Variants in MACROD2 observed in about 807,000 individuals in gnomAD.
MACROD2 encodes the protein ADP-ribose glycohydrolase MACROD2.
Under a neutral mutation model 70.4 loss-of-function variants are expected in MACROD2, and 36 were observed. That is an observed-to-expected ratio of 0.51 (90% confidence interval 0.39 to 0.68). The LOEUF (loss-of-function observed/expected upper bound fraction) is 0.68. Ranked by LOEUF, MACROD2 falls within the 30% of genes least tolerant of loss-of-function variation. The probability of loss-of-function intolerance (pLI) is 0.00; values close to 1 mark genes in which losing one functional copy is unlikely to be tolerated. For missense variants in MACROD2, 496 were observed against 538.4 expected, an observed-to-expected ratio of 0.92 and a Z score of 0.78; for synonymous variants, 172 against 178.8, an observed-to-expected ratio of 0.96 and a Z score of 0.30.
At chr20:14,080,209 C>T (rs917883736) in intron 2 of MACROD2, among the ~76,000 whole-genome samples, 4 of 151,886 alleles carry the variant, frequency 2.6e-5, no homozygotes, top group South Asian at 2.1e-4. Context: ...TTTGGGAGGC[C>T]GAGGTGGGTG....
chr20:15,218,912 G>T (rs944447993), intron 5 of MACROD2, among the ~76,000 whole-genome samples: 3 of 152,094 alleles, frequency 2.0e-5, no homozygotes, highest in Non-Finnish European at 2.9e-5. Flanking sequence ...CAGGCGTGGC[G>T]GCGTGTGCCT....
chr20:14,565,561 A>G (rs1309640034), intron 4 of MACROD2, among the ~76,000 whole-genome samples: 1 of 151,634 alleles, frequency 6.6e-6, no homozygotes, highest in African/African-American at 2.4e-5. Flanking sequence ...ATTCCTCTAG[A>G]TTGTTGCATG....
At chr20:14,661,801 CT>C (rs11476251) in intron 4 of MACROD2, among the ~76,000 whole-genome samples, 76,350 of 151,768 alleles carry the variant, frequency 0.5, 20,292 homozygotes, top group African/African-American at 0.68. Flanking sequence ...CATCTCAATT[CT>C]TTTCAAAAAA....
At chr20:14,584,627 A>G (rs555504617) in intron 4 of MACROD2, among the ~76,000 whole-genome samples, 1 of 152,228 alleles carries the variant, frequency 6.6e-6, no homozygotes, top group Non-Finnish European at 1.5e-5. Context: ...TCCAAATACC[A>G]TCACATATAG....
chr20:14,401,557 G>C (rs1479274937), intron 3 of MACROD2, among the ~76,000 whole-genome samples: 1 of 152,006 alleles, frequency 6.6e-6, no homozygotes, highest in African/African-American at 2.4e-5. Context: ...ATTTCTTCTT[G>C]GGTGTTAATT....
chr20:14,981,488 A>G (rs112602075), intron 5 of MACROD2, among the ~76,000 whole-genome samples: 1,790 of 150,696 alleles, frequency 0.012, 35 homozygotes, highest in African/African-American at 0.041. Context: ...CGGTGTGTGC[A>G]TGTTATATGA....
chr20:14,094,838 C>G (rs2054200317), intron 3 of MACROD2, among the ~76,000 whole-genome samples: 1 of 152,156 alleles, frequency 6.6e-6, no homozygotes, highest in Admixed American at 6.6e-5. Context: ...TTCAATATCC[C>G]TGCCTTGCCA....
chr20:14,676,088 C>A (rs2070857498), intron 4 of MACROD2, among the ~76,000 whole-genome samples: 1 of 152,110 alleles, frequency 6.6e-6, no homozygotes, highest in African/African-American at 2.4e-5. Context: ...GACTCCCACA[C>A]AACAATAGTG....
At position 14,186,933 on chromosome 20, in the gene MACROD2, A is replaced by G. The variant is rs1601326307; in HGVS notation, c.271+101205A>G. 2.6e-5 allele frequency among the ~76,000 whole-genome samples: 4 copies of G among 152,184 alleles called. No individual in the cohort carries two copies. In the East Asian group the frequency reaches 7.7e-4, roughly 29 times the overall value. ...ACATAAAGATAGGAGCAGTAGACACAGGGCACTGGGGACTATTTGAGGGCG... is the reference window on the plus strand; with the variant it reads ...ACATAAAGATAGGAGCAGTAGACACGGGGCACTGGGGACTATTTGAGGGCG... On this transcript the variant is annotated intron_variant, in intron 3 of 17. Coordinates refer to ENST00000684519, the MANE Select transcript of MACROD2 (RefSeq NM_001351661.2).
intron 8 of MACROD2, among the ~76,000 whole-genome samples, chr20:15,649,087 C>T (rs1277830097): frequency 1.4e-5 from 1 of 72,302 alleles, no homozygotes; most frequent in Non-Finnish European, 2.8e-5. Context: ...CCTTCCCTCC[C>T]CTTCCCTCCC....
chr20:14,050,271 T>C (rs1188968574), intron 2 of MACROD2, among the ~76,000 whole-genome samples: 3 of 152,030 alleles, frequency 2.0e-5, no homozygotes, highest in Non-Finnish European at 2.9e-5. Context: ...GCCTGAGAAC[T>C]CTATCAAGAA....
intron 2 of MACROD2, among the ~76,000 whole-genome samples, chr20:14,071,264 T>TTTTG (rs1569145260): frequency 1.6e-5 from 2 of 128,774 alleles, no homozygotes; most frequent in Admixed American, 7.8e-5. Context: ...TTTTTTTTTT[T>TTTTG]TTTTTTTTTT....
intron 7 of MACROD2, among the ~76,000 whole-genome samples, chr20:15,491,660 A>C (rs992892403): frequency 2.6e-5 from 4 of 152,234 alleles, no homozygotes; most frequent in African/African-American, 7.2e-5. Context: ...AGTTAACCCA[A>C]CAACTCTCAG....
At chr20:14,371,489 C>T (rs901558650) in intron 3 of MACROD2, among the ~76,000 whole-genome samples, 1 of 151,832 alleles carries the variant, frequency 6.6e-6, no homozygotes, top group Admixed American at 6.6e-5. Context: ...GACTCCATCT[C>T]TAACAACAAA....
At chr20:15,528,366 C>T (rs2146541738) in intron 8 of MACROD2, among the ~76,000 whole-genome samples, 1 of 152,336 alleles carries the variant, frequency 6.6e-6, no homozygotes, top group East Asian at 1.9e-4. Flanking sequence ...AACTCCTGAC[C>T]TGCCTTGGCC....
chr20:14,021,852 C>T (rs1233690924), intron 2 of MACROD2, among the ~76,000 whole-genome samples: 1 of 152,088 alleles, frequency 6.6e-6, no homozygotes, highest in Non-Finnish European at 1.5e-5. Flanking sequence ...GGACATTCTG[C>T]TTCACGTAGT....
chr20:15,531,094 G>A (rs2047793043), intron 8 of MACROD2, among the ~76,000 whole-genome samples: 1 of 150,324 alleles, frequency 6.7e-6, no homozygotes, highest in African/African-American at 2.4e-5. Context: ...AGCAAGTGCT[G>A]CTGCCATTTA....
intron 13 of MACROD2, among the ~76,000 whole-genome samples, chr20:15,981,527 C>A (rs1199396510): frequency 6.6e-6 from 1 of 152,008 alleles, no homozygotes; most frequent in African/African-American, 2.4e-5. Flanking sequence ...CTTCTTATGG[C>A]CATTGATCTC....
At chr20:14,050,560 T>C (rs1346586426) in intron 2 of MACROD2, among the ~76,000 whole-genome samples, 4 of 152,146 alleles carry the variant, frequency 2.6e-5, no homozygotes, top group Non-Finnish European at 5.9e-5. Flanking sequence ...GGAACACTAT[T>C]CACAAATTTG....
Sources: gnomAD v4.1 joint callset for allele counts (sites outside exome capture counted in the v4.1 genomes callset) on GRCh38, gnomAD v4.1.1 for gene constraint, MANE v1.5 for transcripts, NCBI Gene and HGNC (gene_info 2026-07-23, HGNC 2026-07-21) for gene names.